The following B9D1 variants were observed in gnomAD, a reference collection of about 807,000 sequenced individuals.
B9D1 encodes the protein B9 domain-containing protein 1.
In B9D1, 20 loss-of-function variants were observed where a neutral mutation model predicts 26.1. The ratio of observed to expected loss-of-function variants is 0.77; its 90% confidence interval spans 0.54 to 1.12. The LOEUF (loss-of-function observed/expected upper bound fraction) is 1.12. B9D1 is among the 50% of genes most tolerant of loss of function. The pLI, the probability that B9D1 is intolerant of heterozygous loss-of-function variation, is 0.00. For missense variants in B9D1, 260 were observed against 273.7 expected, an observed-to-expected ratio of 0.95 and a Z score of 0.35; for synonymous variants, 105 against 103.1, an observed-to-expected ratio of 1.02 and a Z score of -0.11.
chr17:19,351,319 C>T (rs1909575576), intron 3 of B9D1, among the ~76,000 whole-genome samples: 1 of 152,142 alleles, frequency 6.6e-6, no homozygotes, highest in Non-Finnish European at 1.5e-5. Context: ...GGAATAAACC[C>T]TACTTCTCAT....
At chr17:19,361,730 C>T (rs1031307801) in intron 1 of B9D1, among the ~76,000 whole-genome samples, 1 of 152,126 alleles carries the variant, frequency 6.6e-6, no homozygotes, top group African/African-American at 2.4e-5. Context: ...TCAGTCAATC[C>T]TCACAATAAT....
intron 3 of B9D1, among the ~76,000 whole-genome samples, chr17:19,357,297 T>C (rs1230765486): frequency 1.3e-5 from 2 of 152,174 alleles, no homozygotes; most frequent in African/African-American, 4.8e-5. Flanking sequence ...AAGTGAACAA[T>C]CAGAATGGTT....
downstream of B9D1, among the ~76,000 whole-genome samples, chr17:19,340,032 A>AC (rs1907773160): frequency 3.5e-4 from 8 of 22,900 alleles, no homozygotes; most frequent in South Asian, 2.0e-3. Context: ...CCACATGCCC[A>AC]ACCCCCCCCC....
chr17:19,360,415 C>T lies in B9D1; in HGVS notation c.64-27G>A, dbSNP rs187840436. ...TGAAAAAAGCACAGACAGATTCTGT[C>T]GACTGGTATTCATGCTGAGGCCAAT... On this transcript the variant is annotated intron_variant, in intron 1 of 6. Transcript: ENST00000261499. 4.8e-5 allele frequency: 77 copies of T among 1,606,260 alleles called. No individual in the cohort carries two copies. The African/African-American group carries it at 5.9e-4, about 12-fold the overall frequency.
intron 3 of B9D1, among the ~76,000 whole-genome samples, chr17:19,352,430 T>C (rs1909733624): frequency 6.6e-6 from 1 of 151,634 alleles, no homozygotes; most frequent in South Asian, 2.1e-4. Flanking sequence ...CTGCAACCTC[T>C]GCCCCCCAGG....
chr17:19,335,436 A>G (rs1907364462), downstream of B9D1: 2 of 1,550,194 alleles, frequency 1.3e-6, no homozygotes, highest in African/African-American at 1.4e-5. Context: ...TTCTGTTTAC[A>G]ATGGAAATCT....
downstream of B9D1, chr17:19,337,706 A>G (rs1907563026): frequency 2.0e-6 from 3 of 1,533,540 alleles, no homozygotes; most frequent in Admixed American, 2.0e-5. Flanking sequence ...AGCCGCTTTC[A>G]TCTTGAAACA....
chr17:19,336,144 G>A (rs1907426550), downstream of B9D1: 1 of 152,302 alleles, frequency 6.6e-6, no homozygotes, highest in African/African-American at 2.4e-5. Flanking sequence ...CAGGAGCCGT[G>A]TCTAGAGTTC....
intron 3 of B9D1, among the ~76,000 whole-genome samples, chr17:19,353,186 G>A (rs1168449997): frequency 2.6e-5 from 4 of 151,158 alleles, no homozygotes; most frequent in African/African-American, 9.7e-5. Context: ...ATGTTGGCCA[G>A]GCTGGTCTTG....
chr17:19,375,821 C>T (rs1248093563), intron 1 of B9D1, among the ~76,000 whole-genome samples: 4 of 152,198 alleles, frequency 2.6e-5, no homozygotes, highest in Non-Finnish European at 4.4e-5. Context: ...TAAAATGGTG[C>T]AACTGCTGGA....
At position 19,359,668 on chromosome 17, in the gene B9D1, G is replaced by C. The variant is rs1910795400; in HGVS notation, c.132+652C>G. Among the ~76,000 whole-genome samples, 1 of 152,116 alleles carries C rather than the reference G, an allele frequency of 6.6e-6. No individual in the cohort carries two copies. The highest frequency in any genetic ancestry group is 1.5e-5 in the Non-Finnish European group (1 of 68,020). On this transcript the variant is annotated intron_variant, in intron 2 of 6. Coordinates refer to ENST00000261499, the MANE Select transcript of B9D1 (RefSeq NM_015681.6). The surrounding 1 kb of genome is among the most constrained non-coding windows in gnomAD (Gnocchi z 5.0). ...CAAGAACGTGCGCTCCGGGAAGGCA[G>C]GGTCTTCTGGTTTGGCTTTGCTCAC...
At chr17:19,344,325 C>A (rs535038119) in intron 5 of B9D1, among the ~76,000 whole-genome samples, 1 of 152,210 alleles carries the variant, frequency 6.6e-6, no homozygotes, top group Non-Finnish European at 1.5e-5. Flanking sequence ...AGGGCCAGAA[C>A]GGCTCCTCAG....
upstream of B9D1, chr17:19,362,926 G>A (rs1029467993): frequency 2.6e-6 from 1 of 386,854 alleles, no homozygotes; most frequent in Admixed American, 3.6e-5. Context: ...CCGGCTCCCC[G>A]TCCCCGCCGA....
chr17:19,377,103 G>A (rs990106108), intron 1 of B9D1, among the ~76,000 whole-genome samples: 4 of 152,202 alleles, frequency 2.6e-5, no homozygotes, highest in Non-Finnish European at 5.9e-5. Flanking sequence ...TTCCTGAAAT[G>A]TATAAAGGCT....
chr17:19,377,119 T>C (rs1912167161), intron 1 of B9D1, among the ~76,000 whole-genome samples: 1 of 152,274 alleles, frequency 6.6e-6, no homozygotes, highest in Admixed American at 6.5e-5. Flanking sequence ...AGGCTGACTA[T>C]GCCCCGACCA....
upstream of B9D1, chr17:19,362,984 T>G: frequency 3.6e-6 from 1 of 280,056 alleles, no homozygotes; most frequent in Non-Finnish European, 7.3e-6. Context: ...GCGCTCCGAC[T>G]CACGCCCTCA....
downstream of B9D1, among the ~76,000 whole-genome samples, chr17:19,342,180 T>C (rs931642408): frequency 6.6e-6 from 1 of 152,160 alleles, no homozygotes; most frequent in East Asian, 1.9e-4. Flanking sequence ...TGCAGGGTAC[T>C]GAGTGGGCTT....
chr17:19,341,102 G>A (rs1907918289), downstream of B9D1: 2 of 1,223,252 alleles, frequency 1.6e-6, no homozygotes, highest in Middle Eastern at 3.1e-4. Flanking sequence ...AGACATTTCA[G>A]TAATGTTGAG....
chr17:19,355,427 G>A (rs1910195216), intron 3 of B9D1, among the ~76,000 whole-genome samples: 1 of 151,916 alleles, frequency 6.6e-6, no homozygotes, highest in Admixed American at 6.6e-5. Flanking sequence ...TACTGGGGAG[G>A]CTGAGGCATA....
Sources: gnomAD v4.1 joint callset for allele counts (sites outside exome capture counted in the v4.1 genomes callset) on GRCh38, gnomAD v4.1.1 for gene constraint, Gnocchi (gnomAD v3.1) non-coding constraint, MANE v1.5 for transcripts, NCBI Gene and HGNC (gene_info 2026-07-23, HGNC 2026-07-21) for gene names.